The following OR6C4 variants were observed in gnomAD, a reference collection of about 807,000 sequenced individuals.
The protein encoded by OR6C4 is olfactory receptor 6C4.
In OR6C4, 20 loss-of-function variants were observed where a neutral mutation model predicts 15.1. That is an observed-to-expected ratio of 1.32 (90% CI 0.93 to 1.92). The LOEUF is 1.92. OR6C4 is among the 30% of genes most tolerant of loss of function. The pLI is 0.00. For missense variants in OR6C4, 491 were observed against 363.2 expected (o/e 1.35, Z -2.86); for synonymous variants, 179 against 134.2 (o/e 1.33, Z -2.31).
rs1285362615 is a variant in OR6C4, at chr12:55,555,398, A to T, written c.*3242A>T. 6.6e-6 allele frequency: 1 copy of T among 152,168 alleles called. No homozygotes were observed. The highest frequency in any genetic ancestry group is 6.6e-5 in the Admixed American group (1 of 15,254). 9.4% of individuals were successfully genotyped at this position (152,168 alleles called of 1,614,324 possible). On this transcript the variant is annotated 3_prime_UTR_variant, in exon 2 of 2. Transcript: ENST00000641569. The stretch of plus-strand genomic sequence containing the variant: ...TGAGAACATACTTATAAGTGAGAAC[A>T]TAGTTTTTGGTTTTCCACTCCCGTA...
In OR6C4 at chr12:55,552,032, A is replaced by G; in HGVS notation, c.806A>G (p.Asn269Ser). ...TCTGCAAAAGAAGGAGGTGCTTTCA[A>G]CAAAGGAATAGCTGTACTCATTACT... Reference protein sequence around the residue: ...NPSAKEGGAFNKGIAVLITSV... With the variant: ...NPSAKEGGAFSKGIAVLITSV... Residue 269 changes from asparagine (N) to serine (S), a missense_variant, in exon 2 of 2, where the codon AAC (asparagine) becomes AGC (serine). By Grantham distance (46) the Asn-to-Ser change is conservative. Coordinates refer to ENST00000641569, the MANE Select transcript of OR6C4 (RefSeq NM_001005494.2). The G allele has an allele frequency of 6.2e-7, 1 of 1,613,730 alleles. No homozygotes were observed. The highest frequency in any genetic ancestry group is 8.5e-7 in the Non-Finnish European group (1 of 1,179,800).
At position 55,551,728 on chromosome 12, in the gene OR6C4, G is replaced by T; in HGVS notation, c.502G>T (p.Val168Phe). 1.9e-6 allele frequency: 3 copies of T among 1,613,886 alleles called. No individual in the cohort carries two copies. Among genetic ancestry groups the T allele is most frequent in the Non-Finnish European group, 2.5e-6 (3 of 1,179,898 alleles). Residue 168 changes from valine to phenylalanine, a missense_variant, in exon 2 of 2, where the codon GTC becomes TTC. Transcript: ENST00000641569. ...IILMTQVDFC[V>F]SNILNHYYCD... is the part of the protein sequence containing the mutation. ...CCTGATGACCCAGGTAGATTTCTGTGTCTCCAACATTCTGAATCACTATTA... is the reference window on the plus strand; with the variant it reads ...CCTGATGACCCAGGTAGATTTCTGTTTCTCCAACATTCTGAATCACTATTA...
At position 55,552,161 on chromosome 12, in the gene OR6C4, G is replaced by C; in HGVS notation, c.*5G>C. ...AAAAAGATTGTGAAACTTTAAAAAA[G>C]GAGATTACACTTCAAAATACATTTT... On this transcript the variant is annotated 3_prime_UTR_variant, in exon 2 of 2. Transcript: ENST00000641569. 6.4e-7 allele frequency: 1 copy of C among 1,570,826 alleles called. No homozygotes were observed. Among genetic ancestry groups the C allele is most frequent in the South Asian group, 1.2e-5 (1 of 85,022 alleles).
rs1234759767 is a variant in OR6C4 at position 55,551,370 on chromosome 12, A to G, written c.144A>G (p.Leu48=). ...LGNLTIITLT[L]LDPHLQTPMY... is the part of the protein sequence containing the mutation. Reference sequence around the variant, plus strand: ...ATCTGACTATTATCACCCTCACCTTACTAGACCCCCACCTCCAGACCCCCA... The same window carrying G: ...ATCTGACTATTATCACCCTCACCTTGCTAGACCCCCACCTCCAGACCCCCA... The change falls in exon 2 of 2, where the codon TTA becomes TTG. Residue 48 remains leucine, a synonymous_variant. Coordinates refer to ENST00000641569, the MANE Select transcript of OR6C4 (RefSeq NM_001005494.2). 6.2e-7 allele frequency: 1 copy of G among 1,613,630 alleles called. No homozygotes were observed. The highest frequency in any genetic ancestry group is 1.3e-5 in the African/African-American group (1 of 74,852).
At position 55,553,277 on chromosome 12, in the gene OR6C4, A is replaced by G. The variant is rs2135868795; in HGVS notation, c.*1121A>G. On this transcript the variant is annotated 3_prime_UTR_variant, in exon 2 of 2. Transcript: ENST00000641569. Reference sequence around the variant, plus strand: ...ATTTGAATAGGTAGTGGTAGTGTCCAATTTCAATGGAAGTAAGCACTTTTT... The same window carrying G: ...ATTTGAATAGGTAGTGGTAGTGTCCGATTTCAATGGAAGTAAGCACTTTTT... The G allele has an allele frequency of 6.6e-6, 1 of 152,282 alleles. No homozygotes were observed. Among genetic ancestry groups the G allele is most frequent in the East Asian group, 1.9e-4 (1 of 5,190 alleles). The allele number at this position is 152,282 out of a possible 1,614,324, so 9.4% of individuals were successfully genotyped here.
chr12:55,552,334 A>G lies in OR6C4; in HGVS notation c.*178A>G. The G allele has an allele frequency of 2.0e-6, 1 of 495,680 alleles. No homozygotes were observed. The highest frequency in any genetic ancestry group is 3.5e-5 in the East Asian group (1 of 28,588). The allele number at this position is 495,680 out of a possible 1,614,324, so 30.7% of individuals were successfully genotyped here. On this transcript the variant is annotated 3_prime_UTR_variant, in exon 2 of 2. Transcript: ENST00000641569. ...TATAAATGGTAAATTTATGTAATAA[A>G]TTTACAAAAAACAAAATAATATTTT...
chr12:55,555,726 TGA>T lies in OR6C4; in HGVS notation c.*3572_*3573del, dbSNP rs1439200591. On this transcript the variant is annotated 3_prime_UTR_variant, in exon 2 of 2. Transcript: ENST00000641569. ...CAGGGAGGCAGAGGTTGTAGTGAGC[TGA>T]GTTTATGCCACTGTACTCCAGGCTG... 6.6e-6 allele frequency: 1 copy of T among 152,132 alleles called. No homozygotes were observed. The highest frequency in any genetic ancestry group is 2.4e-5 in the African/African-American group (1 of 41,418). 9.4% of individuals were successfully genotyped at this position (152,132 alleles called of 1,614,324 possible). A position where few individuals can be genotyped will look rare whatever the true frequency, so the allele number is the denominator to read the frequency against.
Position 55,555,140 on chromosome 12 carries a change from G to A in OR6C4, c.*2984G>A, listed in dbSNP as rs1037062324. ...GCCTGTAATTCCAGCTACTGGGAAGGCTGAAGCACAAGAATCACTTGGAGT... is the reference window on the plus strand; with the variant it reads ...GCCTGTAATTCCAGCTACTGGGAAGACTGAAGCACAAGAATCACTTGGAGT... On this transcript the variant is annotated 3_prime_UTR_variant, in exon 2 of 2. Transcript: ENST00000641569. 2 of 152,194 alleles carry A rather than the reference G, an allele frequency of 1.3e-5. No individual in the cohort carries two copies. Among genetic ancestry groups the A allele is most frequent in the African/African-American group, 4.8e-5 (2 of 41,444 alleles). 9.4% of individuals were successfully genotyped at this position (152,194 alleles called of 1,614,324 possible).
Position 55,551,891 on chromosome 12 carries a change from C to G in OR6C4, c.665C>G (p.Thr222Ser), listed in dbSNP as rs746190826. 3 of 1,613,786 alleles carry G rather than the reference C, an allele frequency of 1.9e-6. No homozygotes were observed. The highest frequency in any genetic ancestry group is 2.5e-6 in the Non-Finnish European group (3 of 1,179,896). The change falls in exon 2 of 2, where the codon ACT becomes AGT. Residue 222 changes from threonine (T) to serine (S), a missense_variant. Thr to Ser is a moderately conservative substitution (Grantham distance 58). Coordinates refer to ENST00000641569, the MANE Select transcript of OR6C4 (RefSeq NM_001005494.2). Reference sequence around the variant, plus strand: ...CTTTCTTACACATACATTATCAGGACTATTCTGAGGATCCCTTCTGCCCAG... The same window carrying G: ...CTTTCTTACACATACATTATCAGGAGTATTCTGAGGATCCCTTCTGCCCAG... ...VTLSYTYIIR[T>S]ILRIPSAQQR... is the part of the protein sequence containing the mutation.
chr12:55,552,362 T>G lies in OR6C4; in HGVS notation c.*206T>G, dbSNP rs943608452. On this transcript the variant is annotated 3_prime_UTR_variant, in exon 2 of 2. Coordinates refer to ENST00000641569, the MANE Select transcript of OR6C4 (RefSeq NM_001005494.2). ...TACAAAAAACAAAATAATATTTTAA[T>G]TGTTATTAGAGAAGAGTGAATGGGG... 2 of 446,204 alleles carry G rather than the reference T, an allele frequency of 4.5e-6. No homozygotes were observed. Among genetic ancestry groups the G allele is most frequent in the African/African-American group, 2.1e-5 (1 of 48,166 alleles). 27.6% of individuals were successfully genotyped at this position (446,204 alleles called of 1,614,324 possible). A position where few individuals can be genotyped will look rare whatever the true frequency, so the allele number is the denominator to read the frequency against.
chr12:55,551,536 T>A lies in OR6C4; in HGVS notation c.310T>A (p.Phe104Ile), dbSNP rs1444911908. ...CTTGACTCAGTATTTTTTTGCTATA[T>A]TTCTTGGAGCTACCGAGTTTTACCT... Reference protein sequence around the residue: ...GCLTQYFFAIFLGATEFYLLA... With the variant: ...GCLTQYFFAIILGATEFYLLA... Residue 104 changes from phenylalanine (F) to isoleucine (I), a missense_variant, in exon 2 of 2, where the codon TTT (phenylalanine) becomes ATT (isoleucine). Coordinates refer to ENST00000641569, the MANE Select transcript of OR6C4 (RefSeq NM_001005494.2). The A allele has an allele frequency of 1.2e-6, 2 of 1,613,994 alleles. No homozygotes were observed. Among genetic ancestry groups the A allele is most frequent in the Non-Finnish European group, 1.7e-6 (2 of 1,179,938 alleles).
In OR6C4 at chr12:55,552,751, T is replaced by C. The variant is rs150751354; in HGVS notation, c.*595T>C. 1 of 152,104 alleles carries C rather than the reference T, an allele frequency of 6.6e-6. No homozygotes were observed. The highest frequency in any genetic ancestry group is 1.5e-5 in the Non-Finnish European group (1 of 67,982). 9.4% of individuals were successfully genotyped at this position (152,104 alleles called of 1,614,324 possible). A position where few individuals can be genotyped will look rare whatever the true frequency, so the allele number is the denominator to read the frequency against. On this transcript the variant is annotated 3_prime_UTR_variant, in exon 2 of 2. Coordinates refer to ENST00000641569, the MANE Select transcript of OR6C4 (RefSeq NM_001005494.2). ...CATAAGAGGAAAATGAAAGAATATA[T>C]ATTTAGTCTACTTTTCTCCAAATGA... is the stretch of plus-strand genomic sequence containing the variant.
chr12:55,552,131 C>T lies in OR6C4; in HGVS notation c.905C>T (p.Ser302Leu). Residue 302 changes from serine to leucine, a missense_variant, in exon 2 of 2, where the codon TCA (serine) becomes TTA (leucine). By Grantham distance (145) the Ser-to-Leu change is moderately radical. Coordinates refer to ENST00000641569, the MANE Select transcript of OR6C4 (RefSeq NM_001005494.2). ...CAAGTGAAACAAGCTTTCAAGGACTCAGTCAAAAAGATTGTGAAACTTTAA... is the reference window on the plus strand; with the variant it reads ...CAAGTGAAACAAGCTTTCAAGGACTTAGTCAAAAAGATTGTGAAACTTTAA... ...NQQVKQAFKD[S>L]VKKIVKL is the part of the protein sequence containing the mutation. 1 of 1,600,104 alleles carries T rather than the reference C, an allele frequency of 6.2e-7. No homozygotes were observed. The highest frequency in any genetic ancestry group is 1.1e-5 in the South Asian group (1 of 87,522).
chr12:55,552,219 T>C lies in OR6C4; in HGVS notation c.*63T>C, dbSNP rs1464924903. The C allele has an allele frequency of 8.7e-7, 1 of 1,153,138 alleles. No homozygotes were observed. The highest frequency in any genetic ancestry group is 1.2e-6 in the Non-Finnish European group (1 of 816,568). 71.4% of individuals were successfully genotyped at this position (1,153,138 alleles called of 1,614,324 possible). On this transcript the variant is annotated 3_prime_UTR_variant, in exon 2 of 2. Coordinates refer to ENST00000641569, the MANE Select transcript of OR6C4 (RefSeq NM_001005494.2). ...CAAATATGCATTGAATGTCTATATT[T>C]CAAGTGCTAAATTGGCCCTTGAAGA...
Position 55,551,410 on chromosome 12 carries a change from C to A in OR6C4, c.184C>A (p.Arg62=), listed in dbSNP as rs139634367. Reference sequence around the variant, plus strand: ...CCAGACCCCCATGTATTTCTTCCTCCGGAATTTCTCCTTCTTAGAAATTTC... The same window carrying A: ...CCAGACCCCCATGTATTTCTTCCTCAGGAATTTCTCCTTCTTAGAAATTTC... ...HLQTPMYFFL[R]NFSFLEISFT... Residue 62 remains arginine, a synonymous_variant, in exon 2 of 2, where the codon CGG becomes AGG. Coordinates refer to ENST00000641569, the MANE Select transcript of OR6C4 (RefSeq NM_001005494.2). 201 of 1,613,914 alleles carry A rather than the reference C, an allele frequency of 1.2e-4. No homozygotes were observed. In the African/African-American group the frequency reaches 2.2e-3, roughly 17 times the overall value.
chr12:55,552,538 A>C lies in OR6C4; in HGVS notation c.*382A>C, dbSNP rs974990033. ...CAGATCATAAAAGTAAGTAATTACA[A>C]CTACTGAGTTAGCTGGGTTTCATGA... On this transcript the variant is annotated 3_prime_UTR_variant, in exon 2 of 2. Coordinates refer to ENST00000641569, the MANE Select transcript of OR6C4 (RefSeq NM_001005494.2). The C allele has an allele frequency of 5.4e-5, 9 of 168,016 alleles. No individual in the cohort carries two copies. The highest frequency in any genetic ancestry group is 1.0e-4 in the Non-Finnish European group (8 of 80,052). 10.4% of individuals were successfully genotyped at this position (168,016 alleles called of 1,614,324 possible). A position where few individuals can be genotyped will look rare whatever the true frequency, so the allele number is the denominator to read the frequency against.
At position 55,551,768 on chromosome 12, in the gene OR6C4, C is replaced by G; in HGVS notation, c.542C>G (p.Pro181Arg). The change falls in exon 2 of 2, where the codon CCT (proline) becomes CGT (arginine). Residue 181 changes from proline (P) to arginine (R), a missense_variant. Coordinates refer to ENST00000641569, the MANE Select transcript of OR6C4 (RefSeq NM_001005494.2). ...ILNHYYCDYG[P>R]LVELACSDTS... Reference sequence around the variant, plus strand: ...AATCACTATTACTGTGACTATGGGCCTCTCGTGGAGCTTGCCTGCTCAGAC... The same window carrying G: ...AATCACTATTACTGTGACTATGGGCGTCTCGTGGAGCTTGCCTGCTCAGAC... The G allele has an allele frequency of 6.2e-7, 1 of 1,613,520 alleles. No homozygotes were observed. Among genetic ancestry groups the G allele is most frequent in the Non-Finnish European group, 8.5e-7 (1 of 1,179,904 alleles).
At position 55,551,359 on chromosome 12, in the gene OR6C4, A is replaced by C; in HGVS notation, c.133A>C (p.Thr45Pro). ...TATCCTAGGAAATCTGACTATTATCACCCTCACCTTACTAGACCCCCACCT... is the reference window on the plus strand; with the variant it reads ...TATCCTAGGAAATCTGACTATTATCCCCCTCACCTTACTAGACCCCCACCT... ...LSILGNLTIITLTLLDPHLQT... is the reference protein window; with the variant it reads ...LSILGNLTIIPLTLLDPHLQT... Residue 45 changes from threonine to proline, a missense_variant, in exon 2 of 2, where the codon ACC (threonine) becomes CCC (proline). Thr to Pro is a conservative substitution (Grantham distance 38). Coordinates refer to ENST00000641569, the MANE Select transcript of OR6C4 (RefSeq NM_001005494.2). The C allele has an allele frequency of 6.2e-7, 1 of 1,613,510 alleles. No homozygotes were observed.
Position 55,551,377 on chromosome 12 carries a change from C to T in OR6C4, c.151C>T (p.Pro51Ser). 1.9e-6 allele frequency: 3 copies of T among 1,613,778 alleles called. No homozygotes were observed. The highest frequency in any genetic ancestry group is 2.5e-6 in the Non-Finnish European group (3 of 1,179,822). Residue 51 changes from proline (P) to serine (S), a missense_variant, in exon 2 of 2, where the codon CCC (proline) becomes TCC (serine). Pro to Ser is a moderately conservative substitution (Grantham distance 74). Transcript: ENST00000641569. Reference sequence around the variant, plus strand: ...TATTATCACCCTCACCTTACTAGACCCCCACCTCCAGACCCCCATGTATTT... The same window carrying T: ...TATTATCACCCTCACCTTACTAGACTCCCACCTCCAGACCCCCATGTATTT... ...LTIITLTLLDPHLQTPMYFFL... is the reference protein window; with the variant it reads ...LTIITLTLLDSHLQTPMYFFL...
Sources: gnomAD v4.1 joint callset for allele counts on GRCh38, gnomAD v4.1.1 for gene constraint, MANE v1.5 for transcripts, NCBI Gene and HGNC (gene_info 2026-07-23, HGNC 2026-07-21) for gene names.